COL6A6: variants seen among roughly 807,000 people sequenced by gnomAD.
The protein encoded by COL6A6 is collagen type VI alpha 6 chain, also known as collagen alpha-6(VI) chain.
A neutral mutation model predicts 208.6 loss-of-function variants in COL6A6; 183 were observed. The ratio of observed to expected loss-of-function variants is 0.88; its 90% CI spans 0.78 to 0.99. The LOEUF is 0.99. COL6A6 is among the 50% of genes least tolerant of loss of function. The pLI is 0.00. For missense variants in COL6A6, 2,816 were observed against 2,815.2 expected (o/e 1.00, Z -0.01); for synonymous variants, 973 against 1,011.8 (o/e 0.96, Z 0.73).
At chr3:130,659,371 A>G (rs1007297089) in intron 34 of COL6A6, among the ~76,000 whole-genome samples, 1 of 152,242 alleles carries the variant, frequency 6.6e-6, no homozygotes, top group African/African-American at 2.4e-5. Context: ...ATAATTACAA[A>G]GACAGTGGAA....
chr3:130,579,752 C>T (rs2063377596), intron 8 of COL6A6, among the ~76,000 whole-genome samples: 1 of 152,178 alleles, frequency 6.6e-6, no homozygotes. Flanking sequence ...TAAAGTACAA[C>T]CTGTGTCATG....
At chr3:130,546,621 A>T (rs1369486840) in intron 1 of COL6A6, among the ~76,000 whole-genome samples, 4 of 152,282 alleles carry the variant, frequency 2.6e-5, no homozygotes, top group Non-Finnish European at 5.9e-5. Flanking sequence ...CAGAGAGCTA[A>T]TTGATCCATT....
At chr3:130,638,603 A>T (rs1256554810) in intron 28 of COL6A6, among the ~76,000 whole-genome samples, 1 of 152,224 alleles carries the variant, frequency 6.6e-6, no homozygotes, top group Non-Finnish European at 1.5e-5. Flanking sequence ...CTCATCCAGT[A>T]GCCTGCTAAG....
intron 2 of COL6A6, 70 bp downstream of exon 2, chr3:130,560,498 T>A: frequency 7.3e-7 from 1 of 1,361,660 alleles, no homozygotes; most frequent in Non-Finnish European, 1.0e-6. Flanking sequence ...TTTGACCTAT[T>A]TAAAAGTTAC....
intron 22 of COL6A6, among the ~76,000 whole-genome samples, chr3:130,610,260 C>A (rs1054993311): frequency 3.9e-5 from 6 of 152,084 alleles, no homozygotes; most frequent in Admixed American, 3.9e-4. Flanking sequence ...TGTTTATGAC[C>A]AGTCTTCAGT....
Position 130,565,556 on chromosome 3 carries a change from G to A in COL6A6, c.1224G>A (p.Arg408=), listed in dbSNP as rs1249196015. The A allele has an allele frequency of 2.5e-6, 4 of 1,613,730 alleles. No individual in the cohort carries two copies. The highest frequency in any genetic ancestry group is 3.4e-6 in the Non-Finnish European group (4 of 1,179,742). Residue 408 remains arginine, a synonymous_variant, in exon 4 of 37, where the codon CGG becomes CGA. Coordinates refer to ENST00000358511, the MANE Select transcript of COL6A6 (RefSeq NM_001102608.3). ...AHNQTFLKKL[R]NQITHTVSVF... is the part of the protein sequence containing the mutation. ...ACCAGACATTTCTGAAGAAGCTGCGGAACCAAATAACACACACAGTCTCTG... is the reference window on the plus strand; with the variant it reads ...ACCAGACATTTCTGAAGAAGCTGCGAAACCAAATAACACACACAGTCTCTG...
intron 36 of COL6A6, among the ~76,000 whole-genome samples, chr3:130,666,507 C>A (rs2066078590): frequency 1.3e-5 from 2 of 152,022 alleles, no homozygotes; most frequent in Admixed American, 1.3e-4. Context: ...TAAAGAATAG[C>A]AAGATAGTAA....
chr3:130,652,700 T>G (rs761410954), intron 33 of COL6A6, among the ~76,000 whole-genome samples: 1 of 152,258 alleles, frequency 6.6e-6, no homozygotes. Flanking sequence ...GCCGCCTTCT[T>G]TCTTTTATCC....
chr3:130,626,879 A>T (rs958304968), intron 25 of COL6A6, among the ~76,000 whole-genome samples: 9 of 151,784 alleles, frequency 5.9e-5, no homozygotes, highest in Non-Finnish European at 7.4e-5. Flanking sequence ...TCCTTCCCCC[A>T]CTGCTCAGGG....
At chr3:130,658,211 A>G (rs981029870) in intron 33 of COL6A6, among the ~76,000 whole-genome samples, 1 of 151,990 alleles carries the variant, frequency 6.6e-6, no homozygotes, top group South Asian at 2.1e-4. Flanking sequence ...GGTCTCTGAT[A>G]CTCTTTCTTA....
intron 8 of COL6A6, 43 bp from the exon 9 acceptor site, chr3:130,581,518 C>T (rs567573515): frequency 3.3e-5 from 45 of 1,374,250 alleles, no homozygotes; most frequent in African/African-American, 2.0e-4. Context: ...TAAATAAAGG[C>T]GTTTGTTGAT....
rs57615059 is a variant in COL6A6 at position 130,639,689 on chromosome 3, CAA to C, written c.5092-1943_5092-1942del. Among the ~76,000 whole-genome samples, 540 of 94,610 alleles carry C rather than the reference CAA, an allele frequency of 5.7e-3. 4 individuals carry two copies. The highest frequency in any genetic ancestry group is 0.016 in the African/African-American group (430 of 26,730). 62.1% of individuals were successfully genotyped at this position (94,610 alleles called of 152,430 possible). A position where few individuals can be genotyped will look rare whatever the true frequency, so the allele number is the denominator to read the frequency against. On this transcript the variant is annotated intron_variant, in intron 28 of 36. Coordinates refer to ENST00000358511, the MANE Select transcript of COL6A6 (RefSeq NM_001102608.3). The stretch of plus-strand genomic sequence containing the variant: ...CCTGGGTGAGACTGAGATCCTGTCT[CAA>C]AAAAAAAAAAAAAAAAAAATGACTG...
intron 8 of COL6A6, among the ~76,000 whole-genome samples, chr3:130,576,289 A>ATG (rs1170350897): frequency 1.3e-5 from 2 of 151,996 alleles, no homozygotes; most frequent in Non-Finnish European, 2.9e-5. Flanking sequence ...CCTTGCGTAT[A>ATG]TGTGTGTGTG....
chr3:130,560,559 G>GT (rs899355692), intron 2 of COL6A6, 131 bp downstream of exon 2: 1 of 698,026 alleles, frequency 1.4e-6, no homozygotes, highest in Non-Finnish European at 2.3e-6. Flanking sequence ...ATTAAGGGCG[G>GT]TAAGTCAAAT....
intron 36 of COL6A6, among the ~76,000 whole-genome samples, chr3:130,665,408 G>A (rs1412277530): frequency 6.6e-6 from 1 of 152,018 alleles, no homozygotes; most frequent in Non-Finnish European, 1.5e-5. Context: ...CCTTTAAAAG[G>A]AACCAGGGTT....
At position 130,565,442 on chromosome 3, in the gene COL6A6, C is replaced by A; in HGVS notation, c.1110C>A (p.Ala370=). ...VTIFTLGIEG[A]SDTQLEKIAS... ...TCTTCACCCTGGGCATAGAGGGCGC[C>A]AGCGACACCCAGTTGGAAAAGATAG... is the stretch of plus-strand genomic sequence containing the variant. The change falls in exon 4 of 37, where the codon GCC becomes GCA. Residue 370 remains alanine (A), a synonymous_variant. Coordinates refer to ENST00000358511, the MANE Select transcript of COL6A6 (RefSeq NM_001102608.3). 1.9e-6 allele frequency: 3 copies of A among 1,613,862 alleles called. No homozygotes were observed. The highest frequency in any genetic ancestry group is 2.5e-6 in the Non-Finnish European group (3 of 1,179,844).
intron 22 of COL6A6, among the ~76,000 whole-genome samples, chr3:130,610,175 A>C (rs1018206740): frequency 1.3e-5 from 2 of 152,130 alleles, no homozygotes; most frequent in Admixed American, 1.3e-4. Flanking sequence ...TAACATATGA[A>C]AGCCACAGCT....
chr3:130,618,571 GTCTTTCTTTTAGAAACCACCAGTGT>G (rs2064607375), intron 23 of COL6A6, among the ~76,000 whole-genome samples: 1 of 152,004 alleles, frequency 6.6e-6, no homozygotes, highest in African/African-American at 2.4e-5. Flanking sequence ...CAATTTTTTT[GTCTTTCTTTTAGAAACCACCAGTGT>G]GATTCCTTAT....
intron 31 of COL6A6, among the ~76,000 whole-genome samples, chr3:130,644,449 A>C (rs6798745): frequency 0.21 from 32,066 of 152,136 alleles, 4,908 homozygotes; most frequent in African/African-American, 0.43. Flanking sequence ...TGTGGCTGCC[A>C]TGTTGAACAG....
Sources: allele counts gnomAD v4.1 joint callset (sites outside exome capture counted in the v4.1 genomes callset), GRCh38; gene constraint gnomAD v4.1.1; transcripts MANE v1.5; gene names NCBI Gene and HGNC (gene_info 2026-07-23, HGNC 2026-07-21).